Variants in RICTOR observed in about 807,000 individuals in gnomAD.
The protein encoded by RICTOR is RPTOR independent companion of MTOR complex 2.
RICTOR carries 49 observed loss-of-function variants against 214.9 expected under a neutral mutation model. That is an observed-to-expected ratio of 0.23 (90% CI 0.18 to 0.29). RICTOR has a LOEUF of 0.29. Ranked by LOEUF, RICTOR falls within the 10% of genes least tolerant of loss-of-function variation. The pLI is 1.00. For missense variants in RICTOR, 1,625 were observed against 2,047.0 expected, an observed-to-expected ratio of 0.79 and a Z score of 3.98; for synonymous variants, 717 against 711.3, an observed-to-expected ratio of 1.01 and a Z score of -0.13.
intron 1 of RICTOR, 21 bp downstream of exon 1, chr5:39,074,306 AGT>A (rs1290432896): frequency 6.6e-7 from 1 of 1,520,888 alleles, no homozygotes; most frequent in East Asian, 2.6e-5. Context: ...GGCGGTGGGG[AGT>A]GAGGGTTGCA....
intron 3 of RICTOR, among the ~76,000 whole-genome samples, chr5:39,009,488 G>C (rs1298916030): frequency 6.6e-6 from 1 of 152,016 alleles, no homozygotes; most frequent in Non-Finnish European, 1.5e-5. Flanking sequence ...GAATCAGCTG[G>C]AAACTGGAAA....
At chr5:39,027,752 T>C (rs1317449748) in intron 2 of RICTOR, among the ~76,000 whole-genome samples, 1 of 152,154 alleles carries the variant, frequency 6.6e-6, no homozygotes, top group African/African-American at 2.4e-5. Flanking sequence ...GTGTTAAATA[T>C]TTTTCTAAGT....
At position 38,962,495 on chromosome 5, in the gene RICTOR, G is replaced by A; in HGVS notation, c.1658C>T (p.Thr553Ile). 2 of 1,523,378 alleles carry A rather than the reference G, an allele frequency of 1.3e-6. No individual in the cohort carries two copies. Among genetic ancestry groups the A allele is most frequent in the Non-Finnish European group, 1.8e-6 (2 of 1,109,342 alleles). The allele number at this position is 1,523,378 out of a possible 1,614,324, so 94.4% of individuals were successfully genotyped here. Residue 553 changes from threonine (T) to isoleucine (I), a missense_variant, in exon 18 of 38, where the codon ACC (threonine) becomes ATC (isoleucine). By Grantham distance (89) the Thr-to-Ile change is moderately conservative. Transcript: ENST00000357387. The stretch of plus-strand genomic sequence containing the variant: ...AGTATCTTTTCATACCTTAAGAATG[G>A]TCCCTATAAGATTCCAATTCCATTC... ...NLEWNWNLIG[T>I]ILKWPNVNLR...
chr5:38,989,522 G>A (rs542668013), intron 7 of RICTOR, among the ~76,000 whole-genome samples: 53 of 152,148 alleles, frequency 3.5e-4, no homozygotes, highest in Non-Finnish European at 4.9e-4. Flanking sequence ...TTAAACTAAA[G>A]GGCTTCTGCA....
Position 38,950,290 on chromosome 5 carries a change from G to A in RICTOR, c.3558C>T (p.Thr1186=), listed in dbSNP as rs754828265. ...PSIGENDLKF[T]KNFGTENHRE... ...TGTGATTCTCTGTACCAAAATTCTT[G>A]GTGAATTTTAAGTCATTTTCTCCAA... Residue 1186 remains threonine (T), a synonymous_variant, in exon 31 of 38, where the codon ACC becomes ACT. Transcript: ENST00000357387. 3.1e-6 allele frequency: 5 copies of A among 1,612,802 alleles called. No homozygotes were observed. In the South Asian group the frequency reaches 4.4e-5, roughly 14 times the overall value.
chr5:38,960,075 T>A, intron 20 of RICTOR, 97 bp from the exon 21 acceptor site: 1 of 850,916 alleles, frequency 1.2e-6, no homozygotes, highest in Non-Finnish European at 2.0e-6. Flanking sequence ...CTAATAATGA[T>A]GAAGTTACCA....
At chr5:39,046,307 T>C (rs1400271007) in intron 2 of RICTOR, among the ~76,000 whole-genome samples, 5 of 150,038 alleles carry the variant, frequency 3.3e-5, no homozygotes, top group African/African-American at 1.2e-4. Flanking sequence ...GAAGCTACAG[T>C]GAACTATGAT....
intron 3 of RICTOR, among the ~76,000 whole-genome samples, chr5:39,019,513 G>C (rs923674284): frequency 2.6e-5 from 4 of 152,118 alleles, no homozygotes; most frequent in African/African-American, 9.7e-5. Context: ...CTTTACAAAT[G>C]GAACAAGGCC....
Position 38,990,740 on chromosome 5 carries a change from T to TATCAGATATATATCAG in RICTOR, c.583+208_583+209insCTGATATATATCTGAT, listed in dbSNP as rs1183959172. ...TATGATATATATCATATATATGATA[T>TATCAGATATATATCAG]ATATGAGATATATGATATATATGAG... is the stretch of plus-strand genomic sequence containing the variant. On this transcript the variant is annotated intron_variant, in intron 7 of 37. Coordinates refer to ENST00000357387, the MANE Select transcript of RICTOR (RefSeq NM_152756.5). Among the ~76,000 whole-genome samples, 948 of 98,956 alleles carry TATCAGATATATATCAG rather than the reference T, an allele frequency of 9.6e-3. 28 individuals carry two copies. Among genetic ancestry groups the TATCAGATATATATCAG allele is most frequent in the Non-Finnish European group, 0.013 (624 of 47,242 alleles). 64.9% of individuals were successfully genotyped at this position (98,956 alleles called of 152,430 possible).
At chr5:39,035,199 C>G (rs1361360343) in intron 2 of RICTOR, among the ~76,000 whole-genome samples, 1 of 152,180 alleles carries the variant, frequency 6.6e-6, no homozygotes, top group African/African-American at 2.4e-5. Flanking sequence ...ACTGCTGATA[C>G]CCAGGCAAAC....
chr5:38,943,756 T>C (rs906489110), intron 36 of RICTOR, among the ~76,000 whole-genome samples: 7 of 152,068 alleles, frequency 4.6e-5, no homozygotes, highest in African/African-American at 1.7e-4. Context: ...GAGGTTGCAG[T>C]GAGCCGAGAT....
Position 38,975,511 on chromosome 5 carries a change from T to C in RICTOR, c.889+26A>G, listed in dbSNP as rs1751133561. 2.6e-6 allele frequency: 4 copies of C among 1,536,148 alleles called. No homozygotes were observed. The East Asian group carries it at 9.0e-5, about 35-fold the overall frequency. On this transcript the variant is annotated intron_variant, in intron 10 of 37. Coordinates refer to ENST00000357387, the MANE Select transcript of RICTOR (RefSeq NM_152756.5). Reference sequence around the variant, plus strand: ...GCAGTCTAGTTTTTCTTCTTGGATGTTATAAAGCAATGTAGAGTAACCTAC... The same window carrying C: ...GCAGTCTAGTTTTTCTTCTTGGATGCTATAAAGCAATGTAGAGTAACCTAC...
chr5:38,972,414 A>C (rs1750862034), intron 10 of RICTOR, among the ~76,000 whole-genome samples: 1 of 152,226 alleles, frequency 6.6e-6, no homozygotes, highest in Non-Finnish European at 1.5e-5. Flanking sequence ...TATGATTCAA[A>C]ATTTTTAAGT....
At chr5:38,960,890 C>T (rs912128844) in intron 19 of RICTOR, among the ~76,000 whole-genome samples, 1 of 152,116 alleles carries the variant, frequency 6.6e-6, no homozygotes, top group African/African-American at 2.4e-5. Flanking sequence ...GTACTTCTCT[C>T]TCCTGCTGCC....
At chr5:39,027,564 T>C (rs1235336169) in intron 2 of RICTOR, among the ~76,000 whole-genome samples, 2 of 152,174 alleles carry the variant, frequency 1.3e-5, no homozygotes, top group Admixed American at 6.5e-5. Flanking sequence ...TATATAGTAT[T>C]CACCAGAGTA....
At chr5:38,948,881 T>A (rs939578822) in intron 31 of RICTOR, among the ~76,000 whole-genome samples, 3 of 152,060 alleles carry the variant, frequency 2.0e-5, no homozygotes, top group African/African-American at 7.2e-5. Context: ...AAGAATAATG[T>A]AAGGGCTAGA....
intron 2 of RICTOR, among the ~76,000 whole-genome samples, chr5:39,068,876 T>C (rs1222358646): frequency 2.0e-5 from 3 of 152,196 alleles, no homozygotes; most frequent in Non-Finnish European, 4.4e-5. Context: ...TGCAAAGTTT[T>C]ACACATCACA....
At chr5:39,036,071 G>C (rs1244051061) in intron 2 of RICTOR, among the ~76,000 whole-genome samples, 16 of 152,226 alleles carry the variant, frequency 1.1e-4, no homozygotes, top group Non-Finnish European at 1.5e-5. Context: ...AGAGAGAAAG[G>C]TCGGGTTACC....
intron 2 of RICTOR, among the ~76,000 whole-genome samples, chr5:39,054,670 C>G (rs768552267): frequency 4.6e-5 from 7 of 152,182 alleles, no homozygotes; most frequent in Non-Finnish European, 8.8e-5. Flanking sequence ...TTTTGAGTAA[C>G]ATGCAACTAA....
Sources: gnomAD v4.1 joint callset for allele counts (sites outside exome capture counted in the v4.1 genomes callset) on GRCh38, gnomAD v4.1.1 for gene constraint, MANE v1.5 for transcripts, NCBI Gene and HGNC (gene_info 2026-07-23, HGNC 2026-07-21) for gene names.